TBC1D4: variants seen among roughly 807,000 people sequenced by gnomAD.
TBC1D4 encodes TBC (Tre-2, BUB2, CDC16) domain-containing protein.
TBC1D4 carries 121 observed loss-of-function variants against 142.5 expected under a neutral mutation model. The observed-to-expected ratio is 0.85, with a 90% CI of 0.73 to 0.99. The LOEUF is 0.99. TBC1D4 is among the 50% of genes least tolerant of loss of function. The pLI, the probability that TBC1D4 is intolerant of heterozygous loss-of-function variation, is 0.00. For synonymous variants in TBC1D4, 630 were observed against 628.2 expected (o/e 1.00, Z -0.04); for missense variants, 1,475 against 1,606.6 (o/e 0.92, Z 1.40).
At chr13:75,349,031 T>C in intron 5 of TBC1D4, 139 bp downstream of exon 5, 2 of 1,253,376 alleles carry the variant, frequency 1.6e-6, no homozygotes, top group Non-Finnish European at 2.2e-6. Context: ...CCCACTCACA[T>C]TTGAGTGGAC....
chr13:75,330,787 CTA>C (rs773855460), intron 8 of TBC1D4, among the ~76,000 whole-genome samples: 65 of 152,180 alleles, frequency 4.3e-4, no homozygotes, highest in Non-Finnish European at 7.5e-4. Flanking sequence ...TTCTTCAGTT[CTA>C]TGTTATAATT....
Position 75,481,231 on chromosome 13 carries a change from G to A in TBC1D4, c.498+39C>T, listed in dbSNP as rs781712937. The A allele has an allele frequency of 2.1e-5, 21 of 994,940 alleles. No individual in the cohort carries two copies. In the East Asian group the frequency reaches 7.4e-4, roughly 35 times the overall value. The allele number at this position is 994,940 out of a possible 1,614,324, so 61.6% of individuals were successfully genotyped here. On this transcript the variant is annotated intron_variant, in intron 1 of 20. Coordinates refer to ENST00000377636, the MANE Select transcript of TBC1D4 (RefSeq NM_014832.5). ...CCCGCCCTGCTCCCCGATCCCCCAA[G>A]GCCGAGCCCGCCCCCGCGCCTCCGA...
chr13:75,437,175 G>A (rs1886834603), intron 1 of TBC1D4, among the ~76,000 whole-genome samples: 1 of 152,182 alleles, frequency 6.6e-6, no homozygotes, highest in Non-Finnish European at 1.5e-5. Context: ...GATCACTGGT[G>A]AAATCTGAAT....
intron 8 of TBC1D4, among the ~76,000 whole-genome samples, chr13:75,330,853 G>C (rs1398710236): frequency 6.6e-6 from 1 of 152,190 alleles, no homozygotes; most frequent in Non-Finnish European, 1.5e-5. Context: ...TATTGGGTTA[G>C]TGTGTGTAGC....
intron 1 of TBC1D4, among the ~76,000 whole-genome samples, chr13:75,475,961 G>T (rs111748909): frequency 3.4e-4 from 52 of 152,194 alleles, no homozygotes; most frequent in African/African-American, 9.9e-4. Flanking sequence ...TTATGTTTCT[G>T]GCTGGGTGCA....
chr13:75,459,552 T>C (rs1887878167), intron 1 of TBC1D4, among the ~76,000 whole-genome samples: 1 of 152,230 alleles, frequency 6.6e-6, no homozygotes, highest in Non-Finnish European at 1.5e-5. Flanking sequence ...AGTAGACTTT[T>C]ATTTTATTTT....
chr13:75,292,813 CTA>C (rs1282331421), intron 18 of TBC1D4, among the ~76,000 whole-genome samples: 3 of 151,916 alleles, frequency 2.0e-5, no homozygotes, highest in Non-Finnish European at 4.4e-5. Context: ...TACCCTAACT[CTA>C]AGCCCTGCTT....
intron 12 of TBC1D4, among the ~76,000 whole-genome samples, chr13:75,315,825 C>A (rs556603845): frequency 6.6e-6 from 1 of 152,110 alleles, no homozygotes; most frequent in Non-Finnish European, 1.5e-5. Context: ...GTCCTAATAG[C>A]TTTGTTTTTC....
intron 1 of TBC1D4, among the ~76,000 whole-genome samples, chr13:75,440,414 C>T (rs1886986813): frequency 6.6e-6 from 1 of 151,188 alleles, no homozygotes; most frequent in African/African-American, 2.4e-5. Context: ...GTAATTGACA[C>T]AGTTAAATTT....
rs76810263 is a variant in TBC1D4 at position 75,464,161 on chromosome 13, T to C, written c.498+17109A>G. On this transcript the variant is annotated intron_variant, in intron 1 of 20. Coordinates refer to ENST00000377636, the MANE Select transcript of TBC1D4 (RefSeq NM_014832.5). ...CACATGCAACAACCAATTAGAAAAC[T>C]TTCTCAGAGCCCCTGGCTGTTGGGA... Among the ~76,000 whole-genome samples the C allele has an allele frequency of 5.4e-3, 816 of 152,304 alleles. 14 individuals are homozygous for C. Among genetic ancestry groups the C allele is most frequent in the African/African-American group, 0.019 (790 of 41,552 alleles).
rs1310946236 is a variant in TBC1D4 at position 75,285,140 on chromosome 13, TA to T, written c.*1651del. ...TTAGAAGTTACATTAACTTTATTAA[TA>T]AGATTTTATTGTCTTTTAAGAAACT... is the stretch of plus-strand genomic sequence containing the variant. On this transcript the variant is annotated 3_prime_UTR_variant, in exon 21 of 21. Transcript: ENST00000377636. The T allele has an allele frequency of 6.6e-6, 1 of 152,198 alleles. No individual in the cohort carries two copies. Among genetic ancestry groups the T allele is most frequent in the Non-Finnish European group, 1.5e-5 (1 of 68,050 alleles). 9.4% of individuals were successfully genotyped at this position (152,198 alleles called of 1,614,324 possible). A position where few individuals can be genotyped will look rare whatever the true frequency, so the allele number is the denominator to read the frequency against.
intron 1 of TBC1D4, among the ~76,000 whole-genome samples, chr13:75,400,757 C>T (rs1235675952): frequency 2.6e-5 from 4 of 152,064 alleles, no homozygotes; most frequent in Admixed American, 6.6e-5. Flanking sequence ...TGAGCCACCA[C>T]GCCCAGCCAC....
chr13:75,348,001 T>G lies in TBC1D4; in HGVS notation c.1408+1169A>C, dbSNP rs140674708. 4.2e-3 allele frequency among the ~76,000 whole-genome samples: 643 copies of G among 152,118 alleles called. 13 individuals are homozygous for G. In the South Asian group the frequency reaches 0.053, roughly 13 times the overall value. On this transcript the variant is annotated intron_variant, in intron 5 of 20. Transcript: ENST00000377636. The stretch of plus-strand genomic sequence containing the variant: ...AAATTTTTTAAAAAAATTAGCTGGG[T>G]GTGGTGGCACACACCTGTTGTCCCA...
intron 1 of TBC1D4, among the ~76,000 whole-genome samples, chr13:75,441,201 C>A (rs147708545): frequency 5.3e-5 from 8 of 151,952 alleles, no homozygotes; most frequent in Admixed American, 4.6e-4. Context: ...GGTTGCAGTG[C>A]GCCAAGATCG....
chr13:75,478,668 G>A (rs1888713992), intron 1 of TBC1D4, among the ~76,000 whole-genome samples: 1 of 152,216 alleles, frequency 6.6e-6, no homozygotes, highest in African/African-American at 2.4e-5. Flanking sequence ...ACTGCTGGAT[G>A]ATAATATGTT....
intron 1 of TBC1D4, among the ~76,000 whole-genome samples, chr13:75,369,893 A>G (rs7984293): frequency 0.99 from 150,161 of 152,310 alleles, 74,059 homozygotes; most frequent in East Asian, 1. Context: ...ATTTAAATTG[A>G]GGTGGCGAGA....
At chr13:75,306,259 AAT>A (rs201045831) in intron 15 of TBC1D4, 52 bp downstream of exon 15, 6 of 1,389,190 alleles carry the variant, frequency 4.3e-6, no homozygotes, top group Non-Finnish European at 4.9e-6. Flanking sequence ...AAAAAAAAAA[AAT>A]CCCCCAGGCT....
chr13:75,295,317 T>A (rs1875797104), intron 17 of TBC1D4, among the ~76,000 whole-genome samples: 1 of 152,146 alleles, frequency 6.6e-6, no homozygotes, highest in Non-Finnish European at 1.5e-5. Context: ...CTTTTGGAAT[T>A]TAATGAGAAC....
At chr13:75,399,804 T>G (rs1884991544) in intron 1 of TBC1D4, among the ~76,000 whole-genome samples, 1 of 152,224 alleles carries the variant, frequency 6.6e-6, no homozygotes. Flanking sequence ...GAACTAATGT[T>G]CTGGGACTTC....
Sources: gnomAD v4.1 joint callset for allele counts (sites outside exome capture counted in the v4.1 genomes callset) on GRCh38, gnomAD v4.1.1 for gene constraint, MANE v1.5 for transcripts, NCBI Gene and HGNC (gene_info 2026-07-23, HGNC 2026-07-21) for gene names.